Variants in TTC23L observed in about 807,000 individuals in gnomAD.
The protein encoded by TTC23L is tetratricopeptide repeat domain 23 like.
Under a neutral mutation model 48.1 loss-of-function variants are expected in TTC23L, and 42 were observed. The observed-to-expected ratio is 0.87, with a 90% confidence interval of 0.68 to 1.13. The LOEUF is 1.13. TTC23L is among the 50% of genes most tolerant of loss of function. The pLI is 0.00. For synonymous variants in TTC23L, 159 were observed against 157.2 expected (o/e 1.01, Z -0.09); for missense variants, 391 against 421.0 (o/e 0.93, Z 0.62).
intron 4 of TTC23L, 57 bp from the exon 5 acceptor site, chr5:34,862,841 C>A: frequency 6.3e-7 from 1 of 1,599,116 alleles, no homozygotes; most frequent in South Asian, 1.1e-5. Context: ...ATGTTTTTGA[C>A]TGAAGCATGC....
chr5:34,873,261 A>G (rs1366571172), intron 8 of TTC23L, among the ~76,000 whole-genome samples: 5 of 152,256 alleles, frequency 3.3e-5, no homozygotes, highest in Non-Finnish European at 7.3e-5. Flanking sequence ...CTTTGTGAAG[A>G]GATCTGTAAA....
intron 2 of TTC23L, among the ~76,000 whole-genome samples, chr5:34,843,923 C>G (rs1004670175): frequency 1.3e-5 from 2 of 152,112 alleles, no homozygotes; most frequent in Admixed American, 6.5e-5. Flanking sequence ...ACTTTGCCAG[C>G]AGGCAAAGAA....
chr5:34,914,655 A>G, the TTC23L span: 2 of 1,589,140 alleles, frequency 1.3e-6, no homozygotes, highest in South Asian at 1.1e-5. Flanking sequence ...TTACATTTAG[A>G]GTATCTATGG....
chr5:34,908,481 T>G, the TTC23L span: 1 of 226,744 alleles, frequency 4.4e-6, no homozygotes, highest in African/African-American at 2.3e-5. Context: ...TTTAGACTCT[T>G]GAAATGTTAC....
At chr5:34,897,702 A>G (rs1296557912) in intron 10 of TTC23L, among the ~76,000 whole-genome samples, 1 of 152,172 alleles carries the variant, frequency 6.6e-6, no homozygotes, top group Non-Finnish European at 1.5e-5. Context: ...AAATTTTGGC[A>G]AATAAAACCT....
intron 9 of TTC23L, among the ~76,000 whole-genome samples, chr5:34,891,615 T>C (rs1259439415): frequency 1.3e-5 from 2 of 152,236 alleles, no homozygotes; most frequent in Non-Finnish European, 2.9e-5. Context: ...ATCTAAAGTA[T>C]ATTTTGTGCT....
chr5:34,880,418 C>T (rs1319663516), intron 9 of TTC23L, 110 bp downstream of exon 9: 9 of 1,155,492 alleles, frequency 7.8e-6, no homozygotes, highest in Middle Eastern at 2.4e-4. Context: ...CCAGATAAAA[C>T]TAGGCAAGAA....
chr5:34,896,787 C>T (rs750320953), exon 10 of TTC23L: 26 of 765,500 alleles, frequency 3.4e-5, no homozygotes, highest in Non-Finnish European at 6.1e-5. Flanking sequence ...AGCAGTTCAT[C>T]CAGATGGAGA....
the TTC23L span, chr5:34,911,867 TCTC>T: frequency 6.4e-7 from 1 of 1,566,532 alleles, no homozygotes; most frequent in South Asian, 1.2e-5. Flanking sequence ...GGGTTCAGCT[TCTC>T]CTCGAAATGA....
chr5:34,845,913 T>G (rs1267252106), intron 3 of TTC23L, among the ~76,000 whole-genome samples: 1 of 152,124 alleles, frequency 6.6e-6, no homozygotes, highest in African/African-American at 2.4e-5. Flanking sequence ...AACTAAAAAT[T>G]AGGCCAGGTG....
intron 8 of TTC23L, chr5:34,869,950 G>C (rs916314455): frequency 6.6e-6 from 1 of 151,360 alleles, no homozygotes; most frequent in East Asian, 1.9e-4. Context: ...AGATTTCCTC[G>C]TCTATATTCA....
the TTC23L span, chr5:34,907,337 A>C: frequency 6.6e-6 from 1 of 152,228 alleles, no homozygotes; most frequent in Non-Finnish European, 1.5e-5. Flanking sequence ...GGTAAGGGCC[A>C]GAAAGGCTAA....
intron 8 of TTC23L, among the ~76,000 whole-genome samples, chr5:34,873,778 G>C (rs2111559124): frequency 1.3e-5 from 2 of 152,218 alleles, no homozygotes; most frequent in South Asian, 4.2e-4. Flanking sequence ...CTAATAAAGA[G>C]TAACAACCAA....
chr5:34,904,166 G>C (rs986781958), downstream of TTC23L, among the ~76,000 whole-genome samples: 25 of 151,450 alleles, frequency 1.7e-4, no homozygotes, highest in East Asian at 4.0e-4. Flanking sequence ...ATGGAGTCTT[G>C]CTATGTTGGC....
exon 6 of TTC23L, chr5:34,864,500 A>G (rs755511586): frequency 1.9e-6 from 3 of 1,613,826 alleles, no homozygotes; most frequent in Non-Finnish European, 1.7e-6. Flanking sequence ...TGAAAGAATT[A>G]TATAAAGGAG....
the TTC23L span, among the ~76,000 whole-genome samples, chr5:34,917,532 C>G: frequency 6.6e-6 from 1 of 151,282 alleles, no homozygotes; most frequent in African/African-American, 2.4e-5. Flanking sequence ...CCCAGCTACT[C>G]GGGAGTCTGA....
intron 3 of TTC23L, among the ~76,000 whole-genome samples, chr5:34,846,627 A>G (rs1484817958): frequency 7.0e-6 from 1 of 143,218 alleles, no homozygotes; most frequent in Non-Finnish European, 1.5e-5. Flanking sequence ...ACACACACAT[A>G]TACATATATA....
At chr5:34,888,581 A>G in intron 9 of TTC23L, 1 of 932,074 alleles carries the variant, frequency 1.1e-6, no homozygotes, top group Non-Finnish European at 1.3e-6. Context: ...CAATGTGGAT[A>G]TATGCATGGC....
intron 9 of TTC23L, among the ~76,000 whole-genome samples, chr5:34,881,013 G>A (rs530815157): frequency 1.3e-5 from 2 of 152,166 alleles, no homozygotes; most frequent in African/African-American, 2.4e-5. Flanking sequence ...TCTGTAAAAT[G>A]TTATTTTTGG....
Sources: gnomAD v4.1 joint callset for allele counts (sites outside exome capture counted in the v4.1 genomes callset) on GRCh38, gnomAD v4.1.1 for gene constraint, MANE v1.5 for transcripts, NCBI Gene and HGNC (gene_info 2026-07-23, HGNC 2026-07-21) for gene names.